The following NRXN3 variants were observed in gnomAD, a reference collection of about 807,000 sequenced individuals.
NRXN3 encodes neurexin 3, also known as neurexin III.
In NRXN3, 32 loss-of-function variants were observed where a neutral mutation model predicts 137.6. That is an observed-to-expected ratio of 0.23 (90% CI 0.18 to 0.31). The LOEUF is 0.31. Ranked by LOEUF, NRXN3 falls within the 10% of genes least tolerant of loss-of-function variation. NRXN3 has a pLI of 1.00. For missense variants in NRXN3, 1,574 were observed against 2,062.5 expected (o/e 0.76, Z 4.59); for synonymous variants, 798 against 784.5 (o/e 1.02, Z -0.29).
chr14:78,259,485 C>T (rs2070319049), intron 2 of NRXN3, among the ~76,000 whole-genome samples: 1 of 152,106 alleles, frequency 6.6e-6, no homozygotes, highest in African/African-American at 2.4e-5. Context: ...CCCTCAAAGC[C>T]ATATACCTCT....
rs867571718 is a variant in NRXN3 at position 78,961,042 on chromosome 14, C to A, written c.2395+3681C>A. ...TTTTTTTTTTTTTTGGTTCCAGAAACTTTTTTTACTGAAGTATTTTATACC... is the reference window on the plus strand; with the variant it reads ...TTTTTTTTTTTTTTGGTTCCAGAAAATTTTTTTACTGAAGTATTTTATACC... On this transcript the variant is annotated intron_variant, in intron 11 of 20. Coordinates refer to ENST00000335750, the MANE Select transcript of NRXN3 (RefSeq NM_001330195.2). Among the ~76,000 whole-genome samples, 141 of 138,044 alleles carry A rather than the reference C, an allele frequency of 1.0e-3. 5 individuals are homozygous for A. The South Asian group carries it at 0.031, about 31-fold the overall frequency. The allele number at this position is 138,044 out of a possible 152,430, so 90.6% of individuals were successfully genotyped here. A position where few individuals can be genotyped will look rare whatever the true frequency, so the allele number is the denominator to read the frequency against.
At chr14:78,174,373 G>A (rs941517222) in intron 1 of NRXN3, among the ~76,000 whole-genome samples, 1 of 152,116 alleles carries the variant, frequency 6.6e-6, no homozygotes, top group African/African-American at 2.4e-5. Flanking sequence ...GAACCAGAGG[G>A]CACTGCAGAA....
At chr14:79,096,549 G>A (rs914353164) in intron 15 of NRXN3, among the ~76,000 whole-genome samples, 1 of 151,886 alleles carries the variant, frequency 6.6e-6, no homozygotes, top group African/African-American at 2.4e-5. Context: ...CTGAGCCATG[G>A]CTCCTTCCCT....
intron 15 of NRXN3, among the ~76,000 whole-genome samples, chr14:79,233,952 G>A (rs1162727482): frequency 6.6e-6 from 1 of 151,996 alleles, no homozygotes; most frequent in Admixed American, 6.6e-5. Context: ...AAGGAAGGAT[G>A]TAAATAATTT....
chr14:78,212,181 A>G (rs1336107828), intron 1 of NRXN3, among the ~76,000 whole-genome samples: 1 of 152,172 alleles, frequency 6.6e-6, no homozygotes, highest in African/African-American at 2.4e-5. Flanking sequence ...TGTTAGTTCT[A>G]ATGGTTCTCA....
At chr14:78,676,557 C>G (rs1394159217) in intron 6 of NRXN3, among the ~76,000 whole-genome samples, 2 of 152,054 alleles carry the variant, frequency 1.3e-5, no homozygotes, top group Non-Finnish European at 2.9e-5. Flanking sequence ...AAAGCCATCT[C>G]CATAACATAA....
intron 4 of NRXN3, among the ~76,000 whole-genome samples, chr14:78,642,119 C>A (rs2097641027): frequency 6.6e-6 from 1 of 152,066 alleles, no homozygotes; most frequent in African/African-American, 2.4e-5. Context: ...CATCTGTGGC[C>A]TTTGACAAGA....
chr14:78,602,547 T>C (rs1444164052), intron 4 of NRXN3: 1 of 152,216 alleles, frequency 6.6e-6, no homozygotes, highest in Non-Finnish European at 1.5e-5. Context: ...TAGCTTTAGT[T>C]GAAAGAGTAA....
At chr14:79,773,495 G>A (rs2099086156) in intron 19 of NRXN3, among the ~76,000 whole-genome samples, 1 of 151,870 alleles carries the variant, frequency 6.6e-6, no homozygotes, top group Non-Finnish European at 1.5e-5. Context: ...GGATGAAATT[G>A]GAAATCATCA....
chr14:78,552,335 C>T (rs1360771048), intron 4 of NRXN3, among the ~76,000 whole-genome samples: 2 of 152,160 alleles, frequency 1.3e-5, no homozygotes, highest in Non-Finnish European at 2.9e-5. Context: ...TTATCTCTCT[C>T]AACACACAGG....
At chr14:78,491,301 G>A (rs561705381) in intron 4 of NRXN3, among the ~76,000 whole-genome samples, 4 of 130,098 alleles carry the variant, frequency 3.1e-5, no homozygotes, top group South Asian at 2.5e-4. Flanking sequence ...GGAGGGAAAA[G>A]GGATGAGATT....
chr14:79,722,881 G>A (rs2098850118), intron 19 of NRXN3, among the ~76,000 whole-genome samples: 1 of 152,110 alleles, frequency 6.6e-6, no homozygotes, highest in Non-Finnish European at 1.5e-5. Flanking sequence ...GATATATGGA[G>A]TGTAACAAAG....
chr14:79,610,503 ACGTGCC>A (rs2098085623), intron 16 of NRXN3, among the ~76,000 whole-genome samples: 1 of 152,238 alleles, frequency 6.6e-6, no homozygotes, highest in Admixed American at 6.5e-5. Context: ...ACTGGCTACT[ACGTGCC>A]AGCCACAGCA....
At chr14:78,702,654 T>C (rs552880536) in intron 6 of NRXN3, among the ~76,000 whole-genome samples, 1 of 152,036 alleles carries the variant, frequency 6.6e-6, no homozygotes, top group South Asian at 2.1e-4. Flanking sequence ...ATGTTGGCCA[T>C]GCTGGTCTTG....
chr14:78,422,766 T>A (rs1465017880), intron 4 of NRXN3, among the ~76,000 whole-genome samples: 2 of 152,078 alleles, frequency 1.3e-5, no homozygotes, highest in East Asian at 3.9e-4. Context: ...CTTGCAGAAA[T>A]CAGAAGTGGA....
intron 19 of NRXN3, among the ~76,000 whole-genome samples, chr14:79,803,691 TA>T: frequency 6.6e-6 from 1 of 152,112 alleles, no homozygotes; most frequent in African/African-American, 2.4e-5. Context: ...AGACCAGGTA[TA>T]AAGAAGCCTA....
At chr14:79,517,005 A>G (rs190077012) in intron 16 of NRXN3, among the ~76,000 whole-genome samples, 1 of 152,130 alleles carries the variant, frequency 6.6e-6, no homozygotes, top group African/African-American at 2.4e-5. Context: ...CAGAAGTAGA[A>G]TGACTTCTAG....
intron 19 of NRXN3, among the ~76,000 whole-genome samples, chr14:79,772,563 T>G (rs2099082269): frequency 1.3e-5 from 2 of 152,230 alleles, no homozygotes; most frequent in Admixed American, 1.3e-4. Context: ...CTGGGAAAAC[T>G]GGCTAGCCAT....
At chr14:79,138,802 A>G (rs1418856660) in intron 15 of NRXN3, among the ~76,000 whole-genome samples, 1 of 152,230 alleles carries the variant, frequency 6.6e-6, no homozygotes, top group Non-Finnish European at 1.5e-5. Flanking sequence ...GTGTTGCAAA[A>G]CAGCAATTCA....
Sources: allele counts gnomAD v4.1 joint callset (sites outside exome capture counted in the v4.1 genomes callset), GRCh38; gene constraint gnomAD v4.1.1; transcripts MANE v1.5; gene names NCBI Gene and HGNC (gene_info 2026-07-23, HGNC 2026-07-21).